COL26A1: variants seen among roughly 807,000 people sequenced by gnomAD.
COL26A1 encodes the protein collagen type XXVI alpha 1 chain, also known as collagen alpha-1(XXVI) chain.
Under a neutral mutation model 59.3 loss-of-function variants are expected in COL26A1, and 41 were observed. The ratio of observed to expected loss-of-function variants is 0.69; its 90% CI spans 0.54 to 0.90. The LOEUF (loss-of-function observed/expected upper bound fraction) is 0.90. Ranked by LOEUF, COL26A1 falls within the 40% of genes least tolerant of loss-of-function variation. The pLI is 0.00. For missense variants in COL26A1, 612 were observed against 602.3 expected (o/e 1.02, Z -0.17); for synonymous variants, 266 against 256.0 (o/e 1.04, Z -0.37).
intron 7 of COL26A1, among the ~76,000 whole-genome samples, 171 bp from the exon 8 acceptor site, chr7:101,546,985 C>T (rs138024103): frequency 6.6e-5 from 10 of 152,306 alleles, no homozygotes; most frequent in African/African-American, 2.4e-4. Context: ...TGGGCCTCTC[C>T]GTGCTCCTCT....
chr7:101,438,041 G>C (rs969416838), intron 2 of COL26A1, among the ~76,000 whole-genome samples: 4 of 144,040 alleles, frequency 2.8e-5, no homozygotes, highest in African/African-American at 9.8e-5. Context: ...AAAGCTAGGA[G>C]AGGTTCAAGG....
chr7:101,461,266 C>G (rs1793603313), intron 3 of COL26A1, among the ~76,000 whole-genome samples: 2 of 151,862 alleles, frequency 1.3e-5, no homozygotes, highest in Non-Finnish European at 2.9e-5. Flanking sequence ...GCTGGGATCA[C>G]AGGTGTGAGC....
chr7:101,555,720 T>G, intron 11 of COL26A1, 67 bp from the exon 12 acceptor site: 1 of 1,199,202 alleles, frequency 8.3e-7, no homozygotes. Flanking sequence ...ACACTGTCAC[T>G]GTATCAGGAT....
At chr7:101,438,478 G>C (rs1792970139) in intron 2 of COL26A1, among the ~76,000 whole-genome samples, 1 of 151,560 alleles carries the variant, frequency 6.6e-6, no homozygotes, top group Non-Finnish European at 1.5e-5. Flanking sequence ...AGTCAAGGGT[G>C]GGGTGAAGGT....
intron 1 of COL26A1, among the ~76,000 whole-genome samples, 162 bp downstream of exon 1, chr7:101,363,352 C>CAGCTGGAACGAG (rs1412603726): frequency 8.1e-6 from 1 of 123,586 alleles, no homozygotes; most frequent in Non-Finnish European, 1.7e-5. Flanking sequence ...AGACACCGGG[C>CAGCTGGAACGAG]AGCTGGAACG....
At chr7:101,410,606 C>G (rs1466056287) in intron 1 of COL26A1, among the ~76,000 whole-genome samples, 4 of 152,052 alleles carry the variant, frequency 2.6e-5, no homozygotes, top group Non-Finnish European at 5.9e-5. Context: ...TTGAGTTCTC[C>G]CGGGTTCAAG....
At chr7:101,489,601 TTTTCTTTCTTTCTTTCTTTCTTTC>T (rs1177502295) in intron 3 of COL26A1, among the ~76,000 whole-genome samples, 5 of 105,116 alleles carry the variant, frequency 4.8e-5, no homozygotes, top group Non-Finnish European at 1.0e-4. Flanking sequence ...TTTTCTTTCT[TTTTCTTTCTTTCTTTCTTTCTTTC>T]TTTCTTTCTT....
At chr7:101,447,642 T>G (rs752092707) in intron 2 of COL26A1, 42 bp from the exon 3 acceptor site, 68 of 1,291,906 alleles carry the variant, frequency 5.3e-5, no homozygotes, top group Non-Finnish European at 5.9e-5. Context: ...TGGAGGTGGG[T>G]GGGTGGGAGC....
intron 1 of COL26A1, among the ~76,000 whole-genome samples, chr7:101,401,584 G>GAGAAAGAGGAGGAGGAA (rs1356168833): frequency 1.6e-4 from 14 of 89,772 alleles, no homozygotes; most frequent in Admixed American, 7.0e-4. Context: ...AGGAGGAAAA[G>GAGAAAGAGGAGGAGGAA]GAGGAGGAAG....
chr7:101,475,060 G>A lies in COL26A1; in HGVS notation c.385+27273G>A, dbSNP rs1368714244. On this transcript the variant is annotated intron_variant, in intron 3 of 12. Coordinates refer to ENST00000313669, the MANE Select transcript of COL26A1 (RefSeq NM_001278563.3). The stretch of plus-strand genomic sequence containing the variant: ...ATGCAAAAAATTAGCTGGGTGTGGT[G>A]TGGTGGGTGCCTGTATTCCCAGCTA... 2.6e-5 allele frequency among the ~76,000 whole-genome samples: 4 copies of A among 152,278 alleles called. No individual in the cohort carries two copies. The East Asian group carries it at 7.7e-4, about 29-fold the overall frequency.
chr7:101,368,836 C>T (rs4236556), intron 1 of COL26A1, among the ~76,000 whole-genome samples: 88,021 of 151,670 alleles, frequency 0.58, 27,110 homozygotes, highest in African/African-American at 0.8. Flanking sequence ...TTTTAAAATT[C>T]GTAATTGCTA....
chr7:101,424,296 T>C (rs982355621), intron 2 of COL26A1, among the ~76,000 whole-genome samples: 3 of 152,188 alleles, frequency 2.0e-5, no homozygotes, highest in African/African-American at 4.8e-5. Context: ...TCTGCTGTTA[T>C]TATATTTTAC....
chr7:101,381,491 A>G (rs1791445051), intron 1 of COL26A1, among the ~76,000 whole-genome samples: 2 of 152,122 alleles, frequency 1.3e-5, no homozygotes, highest in South Asian at 2.1e-4. Context: ...ATAATTTATA[A>G]TGTATGAAAA....
Position 101,420,551 on chromosome 7 carries a change from C to T in COL26A1, c.281+452C>T, listed in dbSNP as rs185369435. Among the ~76,000 whole-genome samples, 370 of 152,262 alleles carry T rather than the reference C, an allele frequency of 2.4e-3. 1 individual carries two copies. Among genetic ancestry groups the T allele is most frequent in the African/African-American group, 8.0e-3 (334 of 41,550 alleles). ...CCACTCACCAGGCATGTCCCTCTCA[C>T]TGGCCCTACTTGTTACTGGACCTGC... On this transcript the variant is annotated intron_variant, in intron 2 of 12. Transcript: ENST00000313669.
At chr7:101,444,430 T>C (rs75281391) in intron 2 of COL26A1, among the ~76,000 whole-genome samples, 1 of 151,620 alleles carries the variant, frequency 6.6e-6, no homozygotes, top group Non-Finnish European at 1.5e-5. Context: ...TTTTTTTTTT[T>C]TTGAGACAGA....
At chr7:101,501,212 G>GA (rs1794699771) in intron 3 of COL26A1, among the ~76,000 whole-genome samples, 4 of 89,742 alleles carry the variant, frequency 4.5e-5, no homozygotes, top group African/African-American at 1.2e-4. Flanking sequence ...GAAAAGAAAA[G>GA]AAAAGAAAAA....
At position 101,558,079 on chromosome 7, in the gene COL26A1, G is replaced by A. The variant is rs1038138746; in HGVS notation, c.*549G>A. 4 of 152,352 alleles carry A rather than the reference G, an allele frequency of 2.6e-5. No homozygotes were observed. The highest frequency in any genetic ancestry group is 5.9e-5 in the Non-Finnish European group (4 of 68,160). 9.4% of individuals were successfully genotyped at this position (152,352 alleles called of 1,614,324 possible). ...CTTCGAGAGAAAACTCAGACAGGGA[G>A]GGCGCAGGGCCAGAACGGCTCCTTA... On this transcript the variant is annotated 3_prime_UTR_variant, in exon 13 of 13. Transcript: ENST00000313669.
chr7:101,407,584 T>A (rs750583481), intron 1 of COL26A1, among the ~76,000 whole-genome samples: 1 of 151,772 alleles, frequency 6.6e-6, no homozygotes. Context: ...GCATTTCTAT[T>A]GAACCTCATG....
At chr7:101,515,336 G>C (rs1404170296) in intron 3 of COL26A1, among the ~76,000 whole-genome samples, 3 of 152,038 alleles carry the variant, frequency 2.0e-5, no homozygotes, top group Non-Finnish European at 4.4e-5. Flanking sequence ...GCCCAGGCTG[G>C]AGTGCAGTGG....
Sources: gnomAD v4.1 joint callset for allele counts (sites outside exome capture counted in the v4.1 genomes callset) on GRCh38, gnomAD v4.1.1 for gene constraint, MANE v1.5 for transcripts, NCBI Gene and HGNC (gene_info 2026-07-23, HGNC 2026-07-21) for gene names.